Variants in LPXN observed in about 807,000 individuals in gnomAD.
LPXN encodes leupaxin.
Under a neutral mutation model 45.6 loss-of-function variants are expected in LPXN, and 28 were observed. The observed-to-expected ratio is 0.61, with a 90% CI of 0.45 to 0.84. LPXN has a LOEUF of 0.84. Ranked by LOEUF, LPXN falls within the 40% of genes least tolerant of loss-of-function variation. LPXN has a pLI of 0.00. For missense variants in LPXN, 459 were observed against 475.0 expected (o/e 0.97, Z 0.31); for synonymous variants, 166 against 169.9 (o/e 0.98, Z 0.18).
intron 7 of LPXN, among the ~76,000 whole-genome samples, chr11:58,536,671 A>C (rs1853563201): frequency 6.6e-6 from 1 of 152,230 alleles, no homozygotes; most frequent in Admixed American, 6.5e-5. Context: ...GATCTAATTA[A>C]ATTAAAGAGC....
At chr11:58,569,219 G>C (rs1355950832) in intron 2 of LPXN, among the ~76,000 whole-genome samples, 1 of 152,190 alleles carries the variant, frequency 6.6e-6, no homozygotes, top group Non-Finnish European at 1.5e-5. Context: ...GCTATGAAGA[G>C]CATCTACTTA....
In LPXN at chr11:58,538,821, T is replaced by C. The variant is rs544610906; in HGVS notation, c.743-10630A>G. Among the ~76,000 whole-genome samples the C allele has an allele frequency of 9.2e-5, 14 of 152,190 alleles. No individual in the cohort carries two copies. In the South Asian group the frequency reaches 2.7e-3, roughly 29 times the overall value. ...TTGTTCATTTACAATATTTATATATTTTTTGAACTTATTACAGGTAGATTA... is the reference window on the plus strand; with the variant it reads ...TTGTTCATTTACAATATTTATATATCTTTTGAACTTATTACAGGTAGATTA... On this transcript the variant is annotated intron_variant, in intron 7 of 8. Transcript: ENST00000395074.
chr11:58,530,690 G>T (rs1853362096), intron 7 of LPXN, among the ~76,000 whole-genome samples: 1 of 152,232 alleles, frequency 6.6e-6, no homozygotes, highest in African/African-American at 2.4e-5. Flanking sequence ...CCAGCACAGG[G>T]TTCGAGCTCT....
intron 7 of LPXN, among the ~76,000 whole-genome samples, chr11:58,528,488 G>A (rs1853295106): frequency 6.6e-6 from 1 of 152,178 alleles, no homozygotes; most frequent in Admixed American, 6.5e-5. Context: ...TGATATAGTT[G>A]TCCTCTTCAT....
intron 7 of LPXN, among the ~76,000 whole-genome samples, chr11:58,541,097 C>A (rs576958747): frequency 6.6e-6 from 1 of 152,202 alleles, no homozygotes; most frequent in Non-Finnish European, 1.5e-5. Flanking sequence ...TAGAAGAAAA[C>A]CTAGGCATTA....
Position 58,541,326 on chromosome 11 carries a change from C to A in LPXN, c.742+8460G>T, listed in dbSNP as rs541726126. Among the ~76,000 whole-genome samples, 3 of 152,238 alleles carry A rather than the reference C, an allele frequency of 2.0e-5. No individual in the cohort carries two copies. The South Asian group carries it at 6.2e-4, about 32-fold the overall frequency. On this transcript the variant is annotated intron_variant, in intron 7 of 8. Coordinates refer to ENST00000395074, the MANE Select transcript of LPXN (RefSeq NM_004811.3). Reference sequence around the variant, plus strand: ...GCTAATATCCAGAATCTACAATGAACTCAAACAAATTTACAACAAAAAAAC... The same window carrying A: ...GCTAATATCCAGAATCTACAATGAAATCAAACAAATTTACAACAAAAAAAC...
At chr11:58,562,809 TTG>T (rs200003343) in intron 3 of LPXN, among the ~76,000 whole-genome samples, 2 of 13,188 alleles carry the variant, frequency 1.5e-4, no homozygotes, top group Admixed American at 3.4e-3. Context: ...ATAGAGCGAC[TTG>T]TGGGGGGGAA....
At chr11:58,537,844 C>T (rs539973292) in intron 7 of LPXN, among the ~76,000 whole-genome samples, 17 of 151,206 alleles carry the variant, frequency 1.1e-4, no homozygotes, top group Admixed American at 8.5e-4. Flanking sequence ...CATATGTATA[C>T]ATGTGCCATG....
At chr11:58,531,251 C>A (rs1414587162) in intron 7 of LPXN, among the ~76,000 whole-genome samples, 1 of 151,928 alleles carries the variant, frequency 6.6e-6, no homozygotes, top group Non-Finnish European at 1.5e-5. Context: ...ATAACAAACT[C>A]CTCCGAGCTT....
chr11:58,540,299 A>AT (rs1424729247), intron 7 of LPXN, among the ~76,000 whole-genome samples: 4 of 152,124 alleles, frequency 2.6e-5, no homozygotes, highest in South Asian at 2.1e-4. Flanking sequence ...TAATAATAGA[A>AT]TTTTTTAAAT....
intron 8 of LPXN, 55 bp downstream of exon 8, chr11:58,527,988 A>C (rs902075931): frequency 6.4e-7 from 1 of 1,568,278 alleles, no homozygotes; most frequent in Non-Finnish European, 8.7e-7. Flanking sequence ...TCTTCCTCTC[A>C]GAGAGGAGAA....
In LPXN at chr11:58,538,097, T is replaced by C. The variant is rs1174174439; in HGVS notation, c.743-9906A>G. 1.4e-4 allele frequency among the ~76,000 whole-genome samples: 21 copies of C among 151,950 alleles called. No homozygotes were observed. In the South Asian group the frequency reaches 2.1e-3, roughly 15 times the overall value. ...TTCATCCATGTCCCTACAAAGGACA[T>C]GAACTCATCATTTTTTATGGCTGCA... is the stretch of plus-strand genomic sequence containing the variant. On this transcript the variant is annotated intron_variant, in intron 7 of 8. Coordinates refer to ENST00000395074, the MANE Select transcript of LPXN (RefSeq NM_004811.3).
upstream of LPXN, among the ~76,000 whole-genome samples, chr11:58,578,475 C>T (rs1038618330): frequency 2.0e-5 from 3 of 152,326 alleles, no homozygotes; most frequent in African/African-American, 7.2e-5. Flanking sequence ...ACCCCGCCTC[C>T]GTTTTGCCGC....
At chr11:58,556,263 T>G (rs1019355964) in intron 3 of LPXN, among the ~76,000 whole-genome samples, 16 of 151,922 alleles carry the variant, frequency 1.1e-4, no homozygotes, top group African/African-American at 3.9e-4. Flanking sequence ...TATAATTCAT[T>G]AACAAATAGG....
rs772757440 is a variant in LPXN at position 58,527,493 on chromosome 11, G to A, written c.1122C>T (p.Thr374=). The change falls in exon 9 of 9, where the codon ACC becomes ACT. Residue 374 remains threonine (T), a synonymous_variant. Transcript: ENST00000395074. ...GCTTATTGAAGCAAGGTTGACAATA[G>A]GTCTTGTCATTCTGCTCCCTGAAAA... is the stretch of plus-strand genomic sequence containing the variant. ...KGIFREQNDK[T]YCQPCFNKLF... The A allele has an allele frequency of 6.2e-7, 1 of 1,614,108 alleles. No homozygotes were observed. The highest frequency in any genetic ancestry group is 8.5e-7 in the Non-Finnish European group (1 of 1,179,964).
chr11:58,549,987 C>T lies in LPXN; in HGVS notation c.646G>A (p.Ala216Thr), dbSNP rs370140878. The T allele has an allele frequency of 3.8e-5, 62 of 1,614,164 alleles. No individual in the cohort carries two copies. The African/African-American group carries it at 6.9e-4, about 18-fold the overall frequency. ...LFSPRCAYCA[A>T]PILDKVLTAM... is the part of the protein sequence containing the mutation. ...GATTTACTTACATCCAGGATGGGAG[C>T]AGCGCAGTAAGCACAGCGTGGAGAA... The change falls in exon 6 of 9, where the codon GCT becomes ACT. Residue 216 changes from alanine to threonine, a missense_variant. Coordinates refer to ENST00000395074, the MANE Select transcript of LPXN (RefSeq NM_004811.3).
chr11:58,539,885 TA>T (rs925681279), intron 7 of LPXN, among the ~76,000 whole-genome samples: 1 of 152,198 alleles, frequency 6.6e-6, no homozygotes, highest in Non-Finnish European at 1.5e-5. Context: ...CTCAGCATTT[TA>T]CTACCTATTC....
intron 7 of LPXN, among the ~76,000 whole-genome samples, chr11:58,535,844 G>A (rs564201724): frequency 2.6e-5 from 4 of 152,250 alleles, no homozygotes; most frequent in South Asian, 4.2e-4. Context: ...AAATCAATGC[G>A]CAAAAATCAC....
intron 3 of LPXN, among the ~76,000 whole-genome samples, chr11:58,563,718 A>G (rs1854446938): frequency 6.6e-6 from 1 of 152,250 alleles, no homozygotes; most frequent in Non-Finnish European, 1.5e-5. Flanking sequence ...AAATATGGAA[A>G]GAAAAAGTAA....
Sources: gnomAD v4.1 joint callset for allele counts (sites outside exome capture counted in the v4.1 genomes callset) on GRCh38, gnomAD v4.1.1 for gene constraint, MANE v1.5 for transcripts, NCBI Gene and HGNC (gene_info 2026-07-23, HGNC 2026-07-21) for gene names.